RBFOX1: variants seen among roughly 807,000 people sequenced by gnomAD.
The protein encoded by RBFOX1 is RNA binding protein fox-1 homolog 1.
RBFOX1 carries 8 observed loss-of-function variants against 57.7 expected under a neutral mutation model. The ratio of observed to expected loss-of-function variants is 0.14; its 90% CI spans 0.08 to 0.25. RBFOX1 has a LOEUF of 0.25. RBFOX1 is among the 10% of genes least tolerant of loss of function. The probability of loss-of-function intolerance (pLI) is 1.00; values close to 1 mark genes in which losing one functional copy is unlikely to be tolerated. For missense variants in RBFOX1, 611 were observed against 548.5 expected, an observed-to-expected ratio of 1.11 and a Z score of -1.14; for synonymous variants, 326 against 222.4, an observed-to-expected ratio of 1.47 and a Z score of -4.15.
intron 2 of RBFOX1, among the ~76,000 whole-genome samples, chr16:6,484,183 C>T (rs940321981): frequency 6.6e-6 from 1 of 152,146 alleles, no homozygotes; most frequent in Non-Finnish European, 1.5e-5. Context: ...AATAGGCTAG[C>T]CATGGTTTTG....
chr16:6,483,829 G>A (rs2095415464), intron 2 of RBFOX1: 2 of 1,297,518 alleles, frequency 1.5e-6, no homozygotes, highest in Middle Eastern at 3.0e-4. Flanking sequence ...GATTAGAATA[G>A]GGGACTTGGC....
chr16:7,338,922 A>G (rs1025647518), intron 4 of RBFOX1, among the ~76,000 whole-genome samples: 3 of 152,196 alleles, frequency 2.0e-5, no homozygotes, highest in African/African-American at 7.2e-5. Flanking sequence ...TTGATTGGGA[A>G]AGACATCAGC....
At chr16:6,473,864 G>T (rs1253195125) in intron 2 of RBFOX1, among the ~76,000 whole-genome samples, 2 of 152,168 alleles carry the variant, frequency 1.3e-5, no homozygotes, top group Non-Finnish European at 2.9e-5. Context: ...TTCTCTGATT[G>T]GTCCGAAGTT....
chr16:5,957,691 C>T (rs3926379), intron 4 of RBFOX1, among the ~76,000 whole-genome samples: 28,598 of 151,902 alleles, frequency 0.19, 3,017 homozygotes, highest in Admixed American at 0.27. Context: ...TTTGTGGGTA[C>T]ACAGCAGGTG....
At chr16:5,911,954 G>A (rs935333623) in intron 4 of RBFOX1, among the ~76,000 whole-genome samples, 1 of 152,172 alleles carries the variant, frequency 6.6e-6, no homozygotes, top group African/African-American at 2.4e-5. Flanking sequence ...CAAACATTCA[G>A]ACCTTAGTAG....
At chr16:6,254,127 G>A (rs971954524) in intron 1 of RBFOX1, among the ~76,000 whole-genome samples, 6 of 152,056 alleles carry the variant, frequency 3.9e-5, no homozygotes, top group African/African-American at 7.2e-5. Context: ...ATGGAGGTTC[G>A]TGGGCCTGTG....
In RBFOX1 at chr16:5,748,436, C is replaced by G. The variant is rs970484611; in HGVS notation, c.319-118867C>G. Among the ~76,000 whole-genome samples the G allele has an allele frequency of 1.2e-3, 182 of 152,262 alleles. 1 individual carries two copies. The highest frequency in any genetic ancestry group is 1.3e-3 in the Non-Finnish European group (87 of 68,024). ...TTCAATTCCTGGATATCCTTGTTAA[C>G]TTTCGTCTCGTGGATCTGTCTAATG... On this transcript the variant is annotated intron_variant, in intron 3 of 19. Coordinates refer to the RBFOX1 transcript ENST00000641259.
intron 3 of RBFOX1, among the ~76,000 whole-genome samples, chr16:6,942,734 C>G (rs551913717): frequency 4.8e-4 from 73 of 152,252 alleles, no homozygotes; most frequent in South Asian, 1.0e-3. Context: ...TTTAGAGACT[C>G]TCTTGAGAGA....
chr16:5,401,909 T>G (rs2066728319), intron 1 of RBFOX1, among the ~76,000 whole-genome samples: 1 of 152,132 alleles, frequency 6.6e-6, no homozygotes, highest in Non-Finnish European at 1.5e-5. Context: ...TTTCTCTATT[T>G]TTACTGCTGT....
intron 4 of RBFOX1, among the ~76,000 whole-genome samples, chr16:7,437,461 T>A (rs1158910736): frequency 6.6e-6 from 1 of 152,166 alleles, no homozygotes; most frequent in Admixed American, 6.5e-5. Flanking sequence ...GCGTTATTAA[T>A]GTTAAAAATT....
At chr16:6,294,615 C>T (rs1473781082) in intron 1 of RBFOX1, among the ~76,000 whole-genome samples, 2 of 152,144 alleles carry the variant, frequency 1.3e-5, no homozygotes, top group Admixed American at 1.3e-4. Context: ...TGATGCTGAG[C>T]CCTCTGTGAG....
chr16:6,451,451 T>C (rs954057522), intron 2 of RBFOX1, among the ~76,000 whole-genome samples: 29 of 152,158 alleles, frequency 1.9e-4, no homozygotes, highest in Non-Finnish European at 4.0e-4. Flanking sequence ...AATATGGAGA[T>C]GCAAGGAGAC....
At chr16:7,680,483 A>G (rs1271502557) in intron 14 of RBFOX1, among the ~76,000 whole-genome samples, 3 of 152,170 alleles carry the variant, frequency 2.0e-5, no homozygotes, top group African/African-American at 7.2e-5. Flanking sequence ...AGCTAGATGC[A>G]GACCGCCTAG....
chr16:6,907,345 G>A (rs1596816881), intron 3 of RBFOX1, among the ~76,000 whole-genome samples: 1 of 152,154 alleles, frequency 6.6e-6, no homozygotes, highest in Non-Finnish European at 1.5e-5. Flanking sequence ...GAGAAACAGT[G>A]TATCGAGCTG....
chr16:5,731,381 C>A (rs984220782), intron 3 of RBFOX1, among the ~76,000 whole-genome samples: 3 of 152,220 alleles, frequency 2.0e-5, no homozygotes, highest in Non-Finnish European at 4.4e-5. Context: ...AAAGTACTTT[C>A]TTTGTCAGGT....
chr16:5,500,148 CCCTTCCTCCCCTCCCACTCCCTG>C (rs1452180565), intron 2 of RBFOX1, among the ~76,000 whole-genome samples: 1 of 139,676 alleles, frequency 7.2e-6, no homozygotes, highest in Non-Finnish European at 1.5e-5. Context: ...TTCCCTCCTT[CCCTTCCTCCCCTCCCACTCCCTG>C]CCTCCCTCCC....
intron 4 of RBFOX1, among the ~76,000 whole-genome samples, chr16:7,218,837 C>T (rs757810247): frequency 6.6e-6 from 1 of 151,926 alleles, no homozygotes; most frequent in Non-Finnish European, 1.5e-5. Flanking sequence ...GTTGCTGCTA[C>T]ATTTTGGTGG....
intron 4 of RBFOX1, among the ~76,000 whole-genome samples, chr16:7,064,359 G>T (rs2055395315): frequency 6.6e-6 from 1 of 151,942 alleles, no homozygotes. Flanking sequence ...AGTAGAGATG[G>T]GGTTTCACCA....
chr16:5,595,316 T>G (rs1334616915), intron 2 of RBFOX1, among the ~76,000 whole-genome samples: 1 of 152,210 alleles, frequency 6.6e-6, no homozygotes, highest in Non-Finnish European at 1.5e-5. Context: ...CTGGGATCTC[T>G]GCCTGGGTCA....
Sources: gnomAD v4.1 joint callset for allele counts (sites outside exome capture counted in the v4.1 genomes callset) on GRCh38, gnomAD v4.1.1 for gene constraint, MANE v1.5 for transcripts, NCBI Gene and HGNC (gene_info 2026-07-23, HGNC 2026-07-21) for gene names.